Variants in KIF26B observed in about 807,000 individuals in gnomAD.
The protein encoded by KIF26B is kinesin-like protein KIF26B.
A neutral mutation model predicts 151.2 loss-of-function variants in KIF26B; 63 were observed. That is an observed-to-expected ratio of 0.42 (90% CI 0.34 to 0.51). The LOEUF (loss-of-function observed/expected upper bound fraction) is 0.51. Ranked by LOEUF, KIF26B falls within the 20% of genes least tolerant of loss-of-function variation. KIF26B has a pLI of 0.07. For synonymous variants in KIF26B, 1,357 were observed against 1,262.1 expected, an observed-to-expected ratio of 1.08 and a Z score of -1.59; for missense variants, 2,813 against 2,913.6, an observed-to-expected ratio of 0.97 and a Z score of 0.79.
chr1:245,362,640 G>A (rs1672851630), intron 2 of KIF26B, among the ~76,000 whole-genome samples: 1 of 152,044 alleles, frequency 6.6e-6, no homozygotes, highest in Non-Finnish European at 1.5e-5. Flanking sequence ...TCTGACAATG[G>A]CTAATTAAGA....
At chr1:245,422,158 A>T (rs1397017397) in intron 4 of KIF26B, among the ~76,000 whole-genome samples, 1 of 152,188 alleles carries the variant, frequency 6.6e-6, no homozygotes, top group Non-Finnish European at 1.5e-5. Context: ...TGTGCAGTGA[A>T]CGCTGATAGT....
chr1:245,423,875 A>G (rs761735564), intron 4 of KIF26B, among the ~76,000 whole-genome samples: 7 of 151,956 alleles, frequency 4.6e-5, no homozygotes, highest in Non-Finnish European at 8.8e-5. Flanking sequence ...ATCTCACTCT[A>G]TTACCCAGGC....
chr1:245,215,021 C>T (rs573806172), intron 2 of KIF26B, among the ~76,000 whole-genome samples: 51 of 152,244 alleles, frequency 3.3e-4, no homozygotes, highest in Admixed American at 1.0e-3. Flanking sequence ...CCACGGAGAA[C>T]GGGTAGGATT....
At chr1:245,267,683 C>CAA (rs1275757723) in intron 2 of KIF26B, among the ~76,000 whole-genome samples, 5 of 132,030 alleles carry the variant, frequency 3.8e-5, no homozygotes, top group South Asian at 2.4e-4. Context: ...CACACACACA[C>CAA]AAAAGGAGAA....
intron 4 of KIF26B, among the ~76,000 whole-genome samples, chr1:245,441,469 T>A (rs1659102751): frequency 6.6e-6 from 1 of 152,148 alleles, no homozygotes; most frequent in South Asian, 2.1e-4. Flanking sequence ...TAGTCTGCTG[T>A]AATTGTAGAA....
At chr1:245,405,812 G>A (rs940430492) in intron 3 of KIF26B, among the ~76,000 whole-genome samples, 2 of 152,094 alleles carry the variant, frequency 1.3e-5, no homozygotes, top group African/African-American at 4.8e-5. Flanking sequence ...TTACTGAATT[G>A]TGTAGGATTT....
intron 2 of KIF26B, among the ~76,000 whole-genome samples, chr1:245,322,674 G>A (rs529096053): frequency 3.9e-5 from 6 of 152,184 alleles, no homozygotes; most frequent in South Asian, 4.1e-4. Context: ...GTTTTCTGCT[G>A]TTTGGGTAGT....
In KIF26B at chr1:245,684,352, A is replaced by G; in HGVS notation, c.2378A>G (p.Gln793Arg). ...TACGCGGAGACCCTGTCCACCATCCAGATTGCATCGAGAGTCTTGAGGATG... is the reference window on the plus strand; with the variant it reads ...TACGCGGAGACCCTGTCCACCATCCGGATTGCATCGAGAGTCTTGAGGATG... Reference protein sequence around the residue: ...GSYAETLSTIQIASRVLRMKK... With the variant: ...GSYAETLSTIRIASRVLRMKK... Residue 793 changes from glutamine to arginine, a missense_variant, in exon 11 of 15, where the codon CAG (glutamine) becomes CGG (arginine). Coordinates refer to ENST00000407071, the MANE Select transcript of KIF26B (RefSeq NM_018012.4). 6.2e-7 allele frequency: 1 copy of G among 1,613,728 alleles called. No homozygotes were observed. Among genetic ancestry groups the G allele is most frequent in the Non-Finnish European group, 8.5e-7 (1 of 1,179,770 alleles).
At chr1:245,237,909 C>G (rs1206919609) in intron 2 of KIF26B, among the ~76,000 whole-genome samples, 2 of 151,872 alleles carry the variant, frequency 1.3e-5, no homozygotes, top group Non-Finnish European at 2.9e-5. Context: ...GCCTGTGGTC[C>G]CAGCTACTTG....
rs1241319116 is a variant in KIF26B at position 245,352,420 on chromosome 1, C to T, written c.466-14414C>T. 1.3e-5 allele frequency among the ~76,000 whole-genome samples: 2 copies of T among 152,168 alleles called. No individual in the cohort carries two copies. Among genetic ancestry groups the T allele is most frequent in the African/African-American group, 4.8e-5 (2 of 41,450 alleles). The stretch of plus-strand genomic sequence containing the variant: ...CTGGGATTACAGGCACCCACCACCA[C>T]ACCTGGCTAATTTTTGTATTTTCAG... On this transcript the variant is annotated intron_variant, in intron 2 of 14. Coordinates refer to ENST00000407071, the MANE Select transcript of KIF26B (RefSeq NM_018012.4). This position sits in a 1 kb window ranked among gnomAD's most constrained non-coding sequence, Gnocchi z 5.0.
intron 4 of KIF26B, among the ~76,000 whole-genome samples, chr1:245,492,566 G>T (rs892608060): frequency 3.3e-5 from 5 of 152,190 alleles, no homozygotes; most frequent in Non-Finnish European, 7.3e-5. Context: ...AACAAAGGCG[G>T]CACGCCAGAC....
intron 2 of KIF26B, among the ~76,000 whole-genome samples, chr1:245,350,544 A>G (rs1200757528): frequency 6.6e-6 from 1 of 152,084 alleles, no homozygotes; most frequent in Non-Finnish European, 1.5e-5. Flanking sequence ...CCGTCCCCAC[A>G]GCTGATCTTT....
chr1:245,325,891 G>A (rs942388380), intron 2 of KIF26B, among the ~76,000 whole-genome samples: 1 of 152,094 alleles, frequency 6.6e-6, no homozygotes, highest in Non-Finnish European at 1.5e-5. Flanking sequence ...ACTGTTGCAG[G>A]CTTGACCATC....
chr1:245,301,201 G>A (rs192705798), intron 2 of KIF26B, among the ~76,000 whole-genome samples: 216 of 152,302 alleles, frequency 1.4e-3, no homozygotes, highest in African/African-American at 4.9e-3. Flanking sequence ...GTTTCCCTGG[G>A]CCACTTTCTT....
chr1:245,236,962 TG>T (rs1670121674), intron 2 of KIF26B, among the ~76,000 whole-genome samples: 1 of 152,194 alleles, frequency 6.6e-6, no homozygotes, highest in South Asian at 2.1e-4. Flanking sequence ...TAAAGTGACT[TG>T]TCTGAAATTA....
At chr1:245,521,386 A>G (rs190307808) in intron 4 of KIF26B, among the ~76,000 whole-genome samples, 73 of 152,284 alleles carry the variant, frequency 4.8e-4, no homozygotes, top group Non-Finnish European at 5.7e-4. Flanking sequence ...CTTCTATACA[A>G]TAAAAATAAC....
intron 2 of KIF26B, among the ~76,000 whole-genome samples, chr1:245,211,958 C>A (rs1386576450): frequency 6.6e-6 from 1 of 152,170 alleles, no homozygotes; most frequent in African/African-American, 2.4e-5. Flanking sequence ...TCAGCGGGGG[C>A]CTGGGAGGGG....
chr1:245,190,866 C>A (rs1300869567), intron 2 of KIF26B, among the ~76,000 whole-genome samples: 1 of 150,732 alleles, frequency 6.6e-6, no homozygotes, highest in East Asian at 1.9e-4. Flanking sequence ...TCGAGACCAG[C>A]CTGACCAAGA....
chr1:245,322,771 G>C (rs1482861717), intron 2 of KIF26B, among the ~76,000 whole-genome samples: 1 of 152,150 alleles, frequency 6.6e-6, no homozygotes, highest in Non-Finnish European at 1.5e-5. Flanking sequence ...TTTTTAACAA[G>C]GGCAGAGCAA....
Sources: gnomAD v4.1 joint callset for allele counts (sites outside exome capture counted in the v4.1 genomes callset) on GRCh38, gnomAD v4.1.1 for gene constraint, Gnocchi (gnomAD v3.1) non-coding constraint, MANE v1.5 for transcripts, NCBI Gene and HGNC (gene_info 2026-07-23, HGNC 2026-07-21) for gene names.